Variants in CTNNA3 observed in about 807,000 individuals in gnomAD.
CTNNA3 encodes the protein catenin alpha-3.
Under a neutral mutation model 95.7 loss-of-function variants are expected in CTNNA3, and 76 were observed. That is an observed-to-expected ratio of 0.79 (90% confidence interval 0.66 to 0.96). CTNNA3 has a LOEUF of 0.96. CTNNA3 is among the 40% of genes least tolerant of loss of function. The pLI is 0.00. For synonymous variants in CTNNA3, 431 were observed against 374.4 expected, an observed-to-expected ratio of 1.15 and a Z score of -1.74; for missense variants, 1,191 against 1,089.8, an observed-to-expected ratio of 1.09 and a Z score of -1.31.
At chr10:66,117,367 T>C (rs1032296366) in intron 13 of CTNNA3, among the ~76,000 whole-genome samples, 1 of 152,210 alleles carries the variant, frequency 6.6e-6, no homozygotes, top group Non-Finnish European at 1.5e-5. Context: ...ACTAATATAA[T>C]ATAGTATAGC....
intron 13 of CTNNA3, among the ~76,000 whole-genome samples, chr10:66,185,516 AC>A (rs2086287325): frequency 1.3e-5 from 2 of 152,076 alleles, no homozygotes; most frequent in Non-Finnish European, 2.9e-5. Flanking sequence ...TGACAGAAAG[AC>A]ATAAAACTTT....
intron 12 of CTNNA3, among the ~76,000 whole-genome samples, chr10:66,362,289 G>GAAAC (rs1470063484): frequency 6.6e-6 from 1 of 151,452 alleles, no homozygotes; most frequent in African/African-American, 2.4e-5. Context: ...TTTTAGTAGA[G>GAAAC]ATGGGGTTTC....
intron 13 of CTNNA3, among the ~76,000 whole-genome samples, chr10:66,224,833 CT>C: frequency 6.6e-6 from 1 of 152,134 alleles, no homozygotes; most frequent in African/African-American, 2.4e-5. Flanking sequence ...TGAAAGCAGT[CT>C]CAATTTAGTT....
chr10:66,276,037 G>T (rs950177271), intron 13 of CTNNA3, among the ~76,000 whole-genome samples: 1 of 152,056 alleles, frequency 6.6e-6, no homozygotes, highest in African/African-American at 2.4e-5. Flanking sequence ...CCATGTAAAT[G>T]ATTCATGTAA....
intron 7 of CTNNA3, among the ~76,000 whole-genome samples, chr10:67,151,224 T>C (rs1460625392): frequency 1.3e-5 from 2 of 152,162 alleles, no homozygotes; most frequent in Non-Finnish European, 2.9e-5. Context: ...ATACAGAACA[T>C]TAAAGAGAAT....
At chr10:66,314,705 C>A (rs1296703546) in intron 12 of CTNNA3, among the ~76,000 whole-genome samples, 1 of 152,006 alleles carries the variant, frequency 6.6e-6, no homozygotes, top group Non-Finnish European at 1.5e-5. Flanking sequence ...CAGGTACTAA[C>A]ATTTCAATAA....
intron 13 of CTNNA3, among the ~76,000 whole-genome samples, chr10:66,228,421 A>G (rs1266070760): frequency 1.3e-5 from 2 of 151,952 alleles, no homozygotes; most frequent in Non-Finnish European, 2.9e-5. Context: ...TTATTAACTA[A>G]TTGACCATTC....
At chr10:66,154,993 C>T (rs2084416365) in intron 13 of CTNNA3, among the ~76,000 whole-genome samples, 1 of 151,502 alleles carries the variant, frequency 6.6e-6, no homozygotes, top group African/African-American at 2.4e-5. Flanking sequence ...TTTTCCACAA[C>T]AACTCAACTT....
Position 66,706,961 on chromosome 10 carries a change from A to G in CTNNA3, c.1281+59303T>C, listed in dbSNP as rs140264495. ...TAGGAAAGAGACATTGCAAAACACTATAATGTGTACAGTTAACAGAATTAG... is the reference window on the plus strand; with the variant it reads ...TAGGAAAGAGACATTGCAAAACACTGTAATGTGTACAGTTAACAGAATTAG... On this transcript the variant is annotated intron_variant, in intron 9 of 17. Coordinates refer to ENST00000433211, the MANE Select transcript of CTNNA3 (RefSeq NM_013266.4). 1.7e-3 allele frequency among the ~76,000 whole-genome samples: 256 copies of G among 152,202 alleles called. 3 individuals carry two copies. The highest frequency in any genetic ancestry group is 5.9e-3 in the African/African-American group (245 of 41,584).
intron 5 of CTNNA3, among the ~76,000 whole-genome samples, chr10:67,287,598 C>A (rs190152307): frequency 3.2e-4 from 48 of 152,268 alleles, no homozygotes; most frequent in African/African-American, 1.1e-3. Flanking sequence ...CTTCTTGTAG[C>A]CATTCATACC....
chr10:67,646,036 C>T lies in CTNNA3; in HGVS notation c.99+1379G>A, dbSNP rs1241094857. Among the ~76,000 whole-genome samples, 3 of 149,528 alleles carry T rather than the reference C, an allele frequency of 2.0e-5. No homozygotes were observed. The East Asian group carries it at 5.8e-4, about 29-fold the overall frequency. Reference sequence around the variant, plus strand: ...GTACAAAGATGATAAAAATCTCCCACAACTTTATTGTACTGGAAGTAAACG... The same window carrying T: ...GTACAAAGATGATAAAAATCTCCCATAACTTTATTGTACTGGAAGTAAACG... On this transcript the variant is annotated intron_variant, in intron 2 of 17. Coordinates refer to ENST00000433211, the MANE Select transcript of CTNNA3 (RefSeq NM_013266.4).
intron 5 of CTNNA3, among the ~76,000 whole-genome samples, chr10:67,372,762 A>G (rs1843528588): frequency 6.6e-6 from 1 of 152,240 alleles, no homozygotes; most frequent in Non-Finnish European, 1.5e-5. Context: ...AGCCCATCAG[A>G]CTAACAGCAG....
rs149778871 is a variant in CTNNA3, at chr10:66,359,066, C to T, written c.1732+20086G>A. On this transcript the variant is annotated intron_variant, in intron 12 of 17. Transcript: ENST00000433211. ...TCTCAGCACTTAGTTTATTGGTATC[C>T]TCACAGCAAGTAAATATCAAATCAG... Among the ~76,000 whole-genome samples the T allele has an allele frequency of 4.5e-4, 68 of 152,252 alleles. 1 individual carries two copies. The highest frequency in any genetic ancestry group is 1.5e-3 in the African/African-American group (62 of 41,550).
At chr10:67,263,273 GA>G (rs1866687312) in intron 5 of CTNNA3, among the ~76,000 whole-genome samples, 1 of 152,116 alleles carries the variant, frequency 6.6e-6, no homozygotes, top group African/African-American at 2.4e-5. Flanking sequence ...GAATTGCAGT[GA>G]TTTCAGACCT....
At chr10:66,049,516 C>T (rs1005237882) in intron 15 of CTNNA3, among the ~76,000 whole-genome samples, 6 of 151,944 alleles carry the variant, frequency 3.9e-5, no homozygotes, top group African/African-American at 7.3e-5. Flanking sequence ...TATTTACAGT[C>T]GCAAAGACAT....
chr10:67,092,041 G>T (rs141463588), intron 7 of CTNNA3, among the ~76,000 whole-genome samples: 2 of 151,594 alleles, frequency 1.3e-5, no homozygotes, highest in African/African-American at 4.8e-5. Flanking sequence ...AAGAAAATAC[G>T]CCTCTGAATT....
chr10:66,502,924 T>C (rs1388735717), intron 11 of CTNNA3, among the ~76,000 whole-genome samples: 1 of 151,604 alleles, frequency 6.6e-6, no homozygotes, highest in African/African-American at 2.4e-5. Flanking sequence ...GTATATCACA[T>C]CTAATAATTG....
At chr10:67,467,249 T>G (rs1344482642) in intron 5 of CTNNA3, among the ~76,000 whole-genome samples, 1 of 152,222 alleles carries the variant, frequency 6.6e-6, no homozygotes. Context: ...AAATCTACAG[T>G]CTGAGCATGG....
chr10:66,622,718 C>CA (rs1844793245), intron 9 of CTNNA3, among the ~76,000 whole-genome samples: 2 of 152,034 alleles, frequency 1.3e-5, no homozygotes. Context: ...TATACTTTAA[C>CA]GCATTGCAGT....
Sources: allele counts gnomAD v4.1 joint callset (sites outside exome capture counted in the v4.1 genomes callset), GRCh38; gene constraint gnomAD v4.1.1; transcripts MANE v1.5; gene names NCBI Gene and HGNC (gene_info 2026-07-23, HGNC 2026-07-21).